Variants in SEPHS1 observed in about 807,000 individuals in gnomAD.
SEPHS1 encodes selenophosphate synthetase 1.
In SEPHS1, 7 loss-of-function variants were observed where a neutral mutation model predicts 39.2. The observed-to-expected ratio is 0.18, with a 90% CI of 0.10 to 0.34. The LOEUF (loss-of-function observed/expected upper bound fraction) is 0.34, where lower values mean the gene tolerates loss of function less well. SEPHS1 is among the 10% of genes least tolerant of loss of function. The pLI, the probability that SEPHS1 is intolerant of heterozygous loss-of-function variation, is 1.00. For synonymous variants in SEPHS1, 190 were observed against 195.5 expected, an observed-to-expected ratio of 0.97 and a Z score of 0.23; for missense variants, 253 against 514.5, an observed-to-expected ratio of 0.49 and a Z score of 4.92.
intron 2 of SEPHS1, among the ~76,000 whole-genome samples, chr10:13,342,874 T>C (rs959947785): frequency 6.6e-6 from 1 of 152,022 alleles, no homozygotes; most frequent in African/African-American, 2.4e-5. Flanking sequence ...TAGCTGAAAC[T>C]ACAGGTGTAC....
intron 3 of SEPHS1, 61 bp from the exon 4 acceptor site, chr10:13,336,411 G>C: frequency 8.0e-7 from 1 of 1,251,472 alleles, no homozygotes; most frequent in Non-Finnish European, 1.2e-6. Flanking sequence ...CAGAAACTGA[G>C]TGAGCCATGG....
chr10:13,347,014 A>G (rs1352194867), intron 1 of SEPHS1, among the ~76,000 whole-genome samples: 2 of 151,520 alleles, frequency 1.3e-5, no homozygotes, highest in African/African-American at 4.9e-5. Flanking sequence ...GGGAAGGGGG[A>G]GGGGGTTCTG....
chr10:13,322,199 T>C (rs376292905), intron 8 of SEPHS1: 1 of 355,414 alleles, frequency 2.8e-6, no homozygotes, highest in African/African-American at 2.2e-5. Flanking sequence ...TGGAGTGCAG[T>C]GGCGCAATCT....
intron 2 of SEPHS1, among the ~76,000 whole-genome samples, chr10:13,344,345 G>A (rs1434302865): frequency 1.3e-5 from 2 of 152,106 alleles, no homozygotes; most frequent in Non-Finnish European, 2.9e-5. Flanking sequence ...CAATTAAATT[G>A]AAAATAAAAA....
rs192611159 is a variant in SEPHS1, at chr10:13,326,908, A to G, written c.751+1443T>C. On this transcript the variant is annotated intron_variant, in intron 7 of 8. Coordinates refer to ENST00000327347, the MANE Select transcript of SEPHS1 (RefSeq NM_012247.5). ...TGAATTGTAAAACAATAGGTAAAAGATAATTGTGGTACATTTCTCTGGTAG... is the reference window on the plus strand; with the variant it reads ...TGAATTGTAAAACAATAGGTAAAAGGTAATTGTGGTACATTTCTCTGGTAG... Among the ~76,000 whole-genome samples the G allele has an allele frequency of 2.0e-5, 3 of 152,334 alleles. 1 individual carries two copies. The East Asian group carries it at 5.8e-4, about 29-fold the overall frequency.
intron 3 of SEPHS1, among the ~76,000 whole-genome samples, chr10:13,336,781 C>A (rs1276421069): frequency 3.0e-5 from 4 of 131,194 alleles, no homozygotes; most frequent in Middle Eastern, 3.9e-3. Flanking sequence ...CCACATATCC[C>A]AAACAGATTC....
Position 13,324,844 on chromosome 10 carries a change from AT to A in SEPHS1, c.752-1798del, listed in dbSNP as rs546736263. ...GCCCAGGCTATTCTCAGTGTTTTGGATTTTAGCCATTCTAACAGGTATGTGG... is the reference window on the plus strand; with the variant it reads ...GCCCAGGCTATTCTCAGTGTTTTGGATTTAGCCATTCTAACAGGTATGTGG... On this transcript the variant is annotated intron_variant, in intron 7 of 8. Coordinates refer to ENST00000327347, the MANE Select transcript of SEPHS1 (RefSeq NM_012247.5). 5.3e-5 allele frequency among the ~76,000 whole-genome samples: 8 copies of A among 152,186 alleles called. No homozygotes were observed. In the South Asian group the frequency reaches 1.7e-3, roughly 32 times the overall value.
Position 13,318,442 on chromosome 10 carries a change from G to T in SEPHS1, c.*700C>A, listed in dbSNP as rs1833006183. On this transcript the variant is annotated 3_prime_UTR_variant, in exon 9 of 9. Coordinates refer to ENST00000327347, the MANE Select transcript of SEPHS1 (RefSeq NM_012247.5). ...AGAACATCTAATAACATTGCAAAAA[G>T]TATCCTTTTTTGCTATCGATAAAAC... The T allele has an allele frequency of 6.6e-6, 1 of 152,554 alleles. No homozygotes were observed. Among genetic ancestry groups the T allele is most frequent in the Admixed American group, 6.6e-5 (1 of 15,262 alleles). 9.5% of individuals were successfully genotyped at this position (152,554 alleles called of 1,614,324 possible).
At chr10:13,330,926 G>T (rs1833447382) in intron 5 of SEPHS1, among the ~76,000 whole-genome samples, 1 of 151,824 alleles carries the variant, frequency 6.6e-6, no homozygotes, top group Non-Finnish European at 1.5e-5. Context: ...ATGTTGGTTT[G>T]CTGTACCCAT....
intron 8 of SEPHS1, among the ~76,000 whole-genome samples, chr10:13,320,161 T>G (rs1285554401): frequency 6.6e-6 from 1 of 152,156 alleles, no homozygotes; most frequent in Non-Finnish European, 1.5e-5. Context: ...AAACCTTTGT[T>G]GCTCTTTCCA....
chr10:13,341,644 T>A (rs965739116), intron 2 of SEPHS1, among the ~76,000 whole-genome samples: 1 of 152,122 alleles, frequency 6.6e-6, no homozygotes, highest in Non-Finnish European at 1.5e-5. Flanking sequence ...AAACATGACA[T>A]TCAATTAGAA....
intron 5 of SEPHS1, among the ~76,000 whole-genome samples, chr10:13,332,415 A>C (rs536839293): frequency 4.6e-5 from 7 of 152,322 alleles, no homozygotes; most frequent in African/African-American, 1.2e-4. Flanking sequence ...GGGGTGATGA[A>C]AACATTCTGG....
intron 1 of SEPHS1, chr10:13,345,362 A>G (rs1833891815): frequency 6.3e-6 from 1 of 158,090 alleles, no homozygotes; most frequent in African/African-American, 2.4e-5. Context: ...ACCTCTGGGC[A>G]CTTCATGTGT....
intron 7 of SEPHS1, among the ~76,000 whole-genome samples, chr10:13,325,895 C>CAAAAAAAAAAAAAA (rs562038894): frequency 7.6e-5 from 2 of 26,450 alleles, no homozygotes; most frequent in African/African-American, 2.1e-4. Flanking sequence ...GACTCCGTCT[C>CAAAAAAAAAAAAAA]AAAAAAAAAA....
rs1271689318 is a variant in SEPHS1 at position 13,336,331 on chromosome 10, T to C, written c.317A>G (p.Asn106Ser). The stretch of plus-strand genomic sequence containing the variant: ...CATTGCATAGAGGTCACTGAGGACA[T>C]TGGCACACGCTATCCTGCCCTGGGA... ...PYMMGRIACANVLSDLYAMGV... is the reference protein window; with the variant it reads ...PYMMGRIACASVLSDLYAMGV... Residue 106 changes from asparagine (N) to serine (S), a missense_variant, in exon 4 of 9, where the codon AAT becomes AGT. Asn to Ser is a conservative substitution (Grantham distance 46). Around this residue, in one of 4 missense-constraint regions of SEPHS1, gnomAD observed 123 missense variants for 196.8 expected, o/e 0.62. Transcript: ENST00000327347. 3.1e-6 allele frequency: 5 copies of C among 1,613,562 alleles called. No individual in the cohort carries two copies. Among genetic ancestry groups the C allele is most frequent in the Non-Finnish European group, 3.4e-6 (4 of 1,179,530 alleles).
chr10:13,330,845 T>A (rs1214183330), intron 5 of SEPHS1, among the ~76,000 whole-genome samples: 2 of 150,222 alleles, frequency 1.3e-5, no homozygotes, highest in Admixed American at 7.2e-5. Flanking sequence ...TTAAATTTTT[T>A]AAAATTATAC....
At chr10:13,323,122 T>C (rs1833163622) in intron 7 of SEPHS1, 75 bp from the exon 8 acceptor site, 2 of 1,151,546 alleles carry the variant, frequency 1.7e-6, no homozygotes, top group South Asian at 2.6e-5. Flanking sequence ...ACAATTAATC[T>C]GCAACTTCCT....
At chr10:13,342,739 CT>C (rs954868189) in intron 2 of SEPHS1, among the ~76,000 whole-genome samples, 338 of 144,810 alleles carry the variant, frequency 2.3e-3, no homozygotes, top group Middle Eastern at 3.6e-3. Flanking sequence ...AAACAGTAAT[CT>C]TTTTTTTTTT....
At position 13,329,744 on chromosome 10, in the gene SEPHS1, G is replaced by A. The variant is rs1480331383; in HGVS notation, c.605C>T (p.Pro202Leu). 1.9e-6 allele frequency: 3 copies of A among 1,609,930 alleles called. No homozygotes were observed. Among genetic ancestry groups the A allele is most frequent in the Non-Finnish European group, 2.5e-6 (3 of 1,178,538 alleles). Reference protein sequence around the residue: ...VPGDVLVLTKPLGTQVAVAVH... With the variant: ...VPGDVLVLTKLLGTQVAVAVH... ...AGCCACTGCCACCTGTGTCCCCAGG[G>A]GTTTTGTCAGCACCAGCACGTCCCC... is the stretch of plus-strand genomic sequence containing the variant. Residue 202 changes from proline to leucine, a missense_variant, in exon 6 of 9, where the codon CCC becomes CTC. Physicochemically the swap from Pro to Leu is moderately conservative, Grantham distance 98. Coordinates refer to ENST00000327347, the MANE Select transcript of SEPHS1 (RefSeq NM_012247.5).
Sources: gnomAD v4.1 joint callset for allele counts (sites outside exome capture counted in the v4.1 genomes callset) on GRCh38, gnomAD v4.1.1 for gene constraint, gnomAD v4.1.1 regional missense constraint, MANE v1.5 for transcripts, NCBI Gene and HGNC (gene_info 2026-07-23, HGNC 2026-07-21) for gene names.